The following RPSA2 variants were observed in gnomAD, a reference collection of about 807,000 sequenced individuals.
RPSA2 encodes small ribosomal subunit protein uS2B.
At chr19:23,852,615 G>A in the RPSA2 span, among the ~76,000 whole-genome samples, 148,932 of 152,266 alleles carry the variant, frequency 0.98, 72,929 homozygotes, top group Middle Eastern at 1. Flanking sequence ...GCCTTTGAGC[G>A]ATTTTCCGCC....
the RPSA2 span, among the ~76,000 whole-genome samples, chr19:23,862,305 C>G: frequency 6.6e-6 from 1 of 151,500 alleles, no homozygotes; most frequent in Admixed American, 6.6e-5. Flanking sequence ...TCTAGATATA[C>G]AATCATGTCA....
chr19:23,865,776 G>A, the RPSA2 span, among the ~76,000 whole-genome samples: 1 of 152,158 alleles, frequency 6.6e-6, no homozygotes, highest in Non-Finnish European at 1.5e-5. Context: ...CATAAGGCTT[G>A]ATCTGAATGA....
chr19:23,795,372 A>C, the RPSA2 span, among the ~76,000 whole-genome samples: 2 of 151,990 alleles, frequency 1.3e-5, no homozygotes, highest in Non-Finnish European at 2.9e-5. Flanking sequence ...TGTAATTCTT[A>C]TCATAGAGAT....
the RPSA2 span, among the ~76,000 whole-genome samples, chr19:23,801,089 C>T: frequency 1.3e-5 from 2 of 152,302 alleles, no homozygotes; most frequent in Non-Finnish European, 2.9e-5. Flanking sequence ...TTTTTCTCCT[C>T]TTGCTAAAAT....
the RPSA2 span, among the ~76,000 whole-genome samples, chr19:23,773,662 A>C: frequency 6.6e-6 from 1 of 152,156 alleles, no homozygotes; most frequent in African/African-American, 2.4e-5. Context: ...CTACTCTTGA[A>C]GTTCTGACTC....
At chr19:23,783,659 A>T in the RPSA2 span, among the ~76,000 whole-genome samples, 1 of 151,974 alleles carries the variant, frequency 6.6e-6, no homozygotes, top group Non-Finnish European at 1.5e-5. Context: ...TGAAGCAAAC[A>T]CCTAGGGGTT....
At chr19:23,832,428 A>T in the RPSA2 span, 1 of 500,810 alleles carries the variant, frequency 2.0e-6, no homozygotes, top group South Asian at 1.5e-5. Flanking sequence ...TTCAATTCTC[A>T]ACCCTAACTA....
chr19:23,807,986 C>T, the RPSA2 span: 4 of 239,736 alleles, frequency 1.7e-5, no homozygotes, highest in Non-Finnish European at 3.6e-5. Flanking sequence ...CTAAAGGTTT[C>T]ATTTCTCTTT....
chr19:23,834,645 C>T, the RPSA2 span, among the ~76,000 whole-genome samples: 2 of 151,932 alleles, frequency 1.3e-5, no homozygotes, highest in Non-Finnish European at 2.9e-5. Context: ...TACTATACAG[C>T]ATATTTTTAA....
chr19:23,795,238 A>T, the RPSA2 span, among the ~76,000 whole-genome samples: 1 of 151,678 alleles, frequency 6.6e-6, no homozygotes, highest in East Asian at 1.9e-4. Flanking sequence ...TGATTAGAAT[A>T]GCATTAAATC....
the RPSA2 span, among the ~76,000 whole-genome samples, chr19:23,790,953 C>T: frequency 2.6e-5 from 4 of 152,116 alleles, no homozygotes; most frequent in African/African-American, 7.2e-5. Context: ...GGCTGACAGC[C>T]GGGCCCCCGG....
the RPSA2 span, among the ~76,000 whole-genome samples, chr19:23,829,014 G>C: frequency 6.6e-6 from 1 of 151,278 alleles, no homozygotes; most frequent in Non-Finnish European, 1.5e-5. Flanking sequence ...ATTTTTTGAT[G>C]TCCTTCTTTG....
the RPSA2 span, among the ~76,000 whole-genome samples, chr19:23,859,106 T>A: frequency 2.0e-5 from 3 of 152,208 alleles, no homozygotes; most frequent in Admixed American, 2.0e-4. Context: ...ATCTCAGGTA[T>A]TTACCCCAGA....
At chr19:23,800,027 CTTTTTTTT>C in the RPSA2 span, among the ~76,000 whole-genome samples, 4 of 110,954 alleles carry the variant, frequency 3.6e-5, no homozygotes, top group East Asian at 5.0e-4. Flanking sequence ...TTTTCTTTTT[CTTTTTTTT>C]TTTTTTTTTT....
chr19:23,762,426 A>T, the RPSA2 span, among the ~76,000 whole-genome samples: 1 of 151,832 alleles, frequency 6.6e-6, no homozygotes, highest in Non-Finnish European at 1.5e-5. Context: ...CCGTAATCCC[A>T]GCACTTTGGG....
chr19:23,841,667 A>G, the RPSA2 span, among the ~76,000 whole-genome samples: 1 of 152,230 alleles, frequency 6.6e-6, no homozygotes, highest in East Asian at 1.9e-4. Context: ...CAGTTTTGAG[A>G]TGGCTTTATT....
At chr19:23,796,910 T>G in the RPSA2 span, among the ~76,000 whole-genome samples, 1 of 151,644 alleles carries the variant, frequency 6.6e-6, no homozygotes, top group South Asian at 2.1e-4. Context: ...TTGATACTGA[T>G]TTTGGTTATT....
the RPSA2 span, among the ~76,000 whole-genome samples, chr19:23,778,169 A>C: frequency 6.6e-6 from 1 of 152,242 alleles, no homozygotes; most frequent in Admixed American, 6.5e-5. Flanking sequence ...GAATTGTGAT[A>C]GATCTCTTGG....
At chr19:23,867,688 G>C in the RPSA2 span, among the ~76,000 whole-genome samples, 1 of 152,136 alleles carries the variant, frequency 6.6e-6, no homozygotes, top group Non-Finnish European at 1.5e-5. Flanking sequence ...AAATTAGCCG[G>C]GCGTGGTGGC....
Sources: gnomAD v4.1 joint callset for allele counts (sites outside exome capture counted in the v4.1 genomes callset) on GRCh38, gnomAD v4.1.1 for gene constraint, MANE v1.5 for transcripts, NCBI Gene and HGNC (gene_info 2026-07-23, HGNC 2026-07-21) for gene names.